Variants in FCER1A observed in about 807,000 individuals in gnomAD.
FCER1A encodes the protein Fc epsilon receptor Ia.
FCER1A carries 24 observed loss-of-function variants against 23.6 expected under a neutral mutation model. The ratio of observed to expected loss-of-function variants is 1.02; its 90% CI spans 0.74 to 1.43. The LOEUF (loss-of-function observed/expected upper bound fraction) is 1.43. Among genes scored for constraint, FCER1A ranks in the 40% most tolerant of loss-of-function variants. The probability of loss-of-function intolerance (pLI) is 0.00; values close to 1 mark genes in which losing one functional copy is unlikely to be tolerated. For synonymous variants in FCER1A, 121 were observed against 108.8 expected (o/e 1.11, Z -0.70); for missense variants, 318 against 294.5 (o/e 1.08, Z -0.58).
At position 159,304,181 on chromosome 1, in the gene FCER1A, T is replaced by C. The variant is rs199842835; in HGVS notation, c.330T>C (p.Ser110=). ...ESEPVYLEVF[S]DWLLLQASAE... ...AACCTGTGTACCTGGAAGTCTTCAG[T>C]GGTAAGTTCCAGGGATATGGAAATA... The change falls in exon 3 of 5, where the codon AGT becomes AGC. Residue 110 remains serine (S), a splice_region_variant and synonymous_variant. Transcript: ENST00000693622. 1.5e-5 allele frequency: 24 copies of C among 1,613,396 alleles called. 1 individual carries two copies. In the South Asian group the frequency reaches 2.5e-4, roughly 17 times the overall value.
chr1:159,293,967 A>G (rs1057329827), intron 1 of FCER1A, among the ~76,000 whole-genome samples: 1 of 151,998 alleles, frequency 6.6e-6, no homozygotes, highest in African/African-American at 2.4e-5. Context: ...CACATGAAAA[A>G]ATGCTCACCA....
rs761771280 is a variant in FCER1A at position 159,302,357 on chromosome 1, T to C, written c.-8T>C. ...CAGCACAGTAAGCACCAGGAGTCCA[T>C]GAAGAAGATGGCTCCTGCCATGGAA... On this transcript the variant is annotated 5_prime_UTR_variant, in exon 1 of 5. It removes an upstream start codon present in the reference 5' UTR. Transcript: ENST00000693622. 1 of 1,602,334 alleles carries C rather than the reference T, an allele frequency of 6.2e-7. No individual in the cohort carries two copies. Among genetic ancestry groups the C allele is most frequent in the Non-Finnish European group, 8.6e-7 (1 of 1,169,206 alleles).
rs1462488820 is a variant in FCER1A, at chr1:159,306,154, C to T, written c.498C>T (p.Ala166=). The T allele has an allele frequency of 3.1e-6, 5 of 1,614,132 alleles. No individual in the cohort carries two copies. The East Asian group carries it at 6.7e-5, about 22-fold the overall frequency. ...ACCACAACATCTCCATTACAAATGC[C>T]ACAGTTGAAGACAGTGGAACCTACT... ...YENHNISITN[A]TVEDSGTYYC... is the part of the protein sequence containing the mutation. Residue 166 remains alanine, a synonymous_variant, in exon 4 of 5, where the codon GCC becomes GCT. Transcript: ENST00000693622.
chr1:159,305,998 C>T lies in FCER1A; in HGVS notation c.342C>T (p.Leu114=), dbSNP rs763176352. Residue 114 remains leucine, a synonymous_variant, in exon 4 of 5, where the codon CTC becomes CTT. Coordinates refer to ENST00000693622, the MANE Select transcript of FCER1A (RefSeq NM_001387280.1). ...VYLEVFSDWL[L]LQASAEVVME... ...ATGAATGTTCTTCAGACTGGCTGCT[C>T]CTTCAGGCCTCTGCTGAGGTGGTGA... 1.5e-5 allele frequency: 24 copies of T among 1,613,492 alleles called. No individual in the cohort carries two copies. In the Admixed American group the frequency reaches 2.8e-4, roughly 19 times the overall value.
At chr1:159,286,163 C>T (rs2102210140), upstream of FCER1A, among the ~76,000 whole-genome samples, 1 of 151,850 alleles carries the variant, frequency 6.6e-6, no homozygotes, top group East Asian at 1.9e-4. Context: ...GCACTCCAGC[C>T]TGAGTGACAG....
upstream of FCER1A, among the ~76,000 whole-genome samples, chr1:159,287,671 G>GTT (rs1056248626): frequency 2.0e-5 from 3 of 147,172 alleles, no homozygotes; most frequent in Non-Finnish European, 4.5e-5. Flanking sequence ...TATACACATT[G>GTT]TTATATATAT....
At chr1:159,300,005 G>C (rs12748387), upstream of FCER1A, among the ~76,000 whole-genome samples, 1,996 of 152,126 alleles carry the variant, frequency 0.013, 20 homozygotes, top group Non-Finnish European at 0.022. Flanking sequence ...AAGATGGGTA[G>C]TTTGGTTGCT....
upstream of FCER1A, among the ~76,000 whole-genome samples, chr1:159,301,145 G>C (rs1652421292): frequency 6.6e-6 from 1 of 152,160 alleles, no homozygotes; most frequent in Non-Finnish European, 1.5e-5. Flanking sequence ...GGAAGAGCAA[G>C]GTATGATAGA....
At chr1:159,297,669 C>T (rs1283300908), upstream of FCER1A, among the ~76,000 whole-genome samples, 2 of 152,094 alleles carry the variant, frequency 1.3e-5, no homozygotes. Context: ...TAATCTTGCA[C>T]TTAATTTCTT....
chr1:159,292,401 C>T (rs1287680949), intron 1 of FCER1A, among the ~76,000 whole-genome samples: 1 of 152,116 alleles, frequency 6.6e-6, no homozygotes, highest in East Asian at 1.9e-4. Flanking sequence ...TAATTACTGT[C>T]TACCCAGTTA....
Position 159,304,217 on chromosome 1 carries a change from A to AT in FCER1A, c.331+36dup, listed in dbSNP as rs1652530226. On this transcript the variant is annotated intron_variant, in intron 3 of 4. Coordinates refer to ENST00000693622, the MANE Select transcript of FCER1A (RefSeq NM_001387280.1). ...AGGGATATGGAAATACAGATCTCTC[A>AT]TGTGAGGGATGGCTCATCTGAAGAT... The AT allele has an allele frequency of 6.9e-6, 11 of 1,595,346 alleles. No individual in the cohort carries two copies. The East Asian group carries it at 2.5e-4, about 36-fold the overall frequency.
At chr1:159,299,220 C>T (rs546857871), upstream of FCER1A, among the ~76,000 whole-genome samples, 4 of 152,274 alleles carry the variant, frequency 2.6e-5, no homozygotes, top group East Asian at 7.7e-4. Flanking sequence ...ATAAATATCA[C>T]GAGCAGACAG....
At chr1:159,298,077 G>A (rs1652340324), upstream of FCER1A, among the ~76,000 whole-genome samples, 1 of 152,096 alleles carries the variant, frequency 6.6e-6, no homozygotes, top group South Asian at 2.1e-4. Context: ...TAAGGTAGAG[G>A]TCATGATCAA....
the FCER1A span, among the ~76,000 whole-genome samples, chr1:159,284,622 G>C: frequency 6.6e-6 from 1 of 152,158 alleles, no homozygotes; most frequent in Admixed American, 6.5e-5. Context: ...TAAATGACTT[G>C]TGATTTCCAA....
At chr1:159,305,934 A>G (rs1255957014) in intron 3 of FCER1A, 54 bp from the exon 4 acceptor site, 15 of 1,507,870 alleles carry the variant, frequency 9.9e-6, no homozygotes, top group Admixed American at 1.7e-5. Context: ...TTCTCTATTC[A>G]TTCTCTCTCT....
intron 1 of FCER1A, among the ~76,000 whole-genome samples, chr1:159,296,398 A>G (rs1215501611): frequency 1.3e-5 from 2 of 152,334 alleles, no homozygotes; most frequent in East Asian, 3.9e-4. Flanking sequence ...ACAAAAACAG[A>G]CTGATATGAG....
intron 4 of FCER1A, 103 bp downstream of exon 4, chr1:159,306,348 C>A: frequency 1.8e-6 from 2 of 1,099,556 alleles, no homozygotes; most frequent in South Asian, 3.1e-5. Flanking sequence ...ACCTGTGATA[C>A]ACTGGAAAGC....
Position 159,304,076 on chromosome 1 carries a change from T to C in FCER1A, c.225T>C (p.Asn75=), listed in dbSNP as rs145069124. 8.1e-6 allele frequency: 13 copies of C among 1,613,988 alleles called. No homozygotes were observed. Residue 75 remains asparagine, a synonymous_variant, in exon 3 of 5, where the codon AAT becomes AAC. Coordinates refer to ENST00000693622, the MANE Select transcript of FCER1A (RefSeq NM_001387280.1). ...ATGGCAGCCTTTCAGAAGAGACAAA[T>C]TCAAGTTTGAATATTGTGAATGCCA... ...FHNGSLSEET[N]SSLNIVNAKF... is the part of the protein sequence containing the mutation.
At chr1:159,298,728 G>T (rs1652356973), upstream of FCER1A, among the ~76,000 whole-genome samples, 1 of 152,172 alleles carries the variant, frequency 6.6e-6, no homozygotes, top group South Asian at 2.1e-4. Flanking sequence ...GCATGTCCAT[G>T]AAATATACAT....
Sources: gnomAD v4.1 joint callset for allele counts (sites outside exome capture counted in the v4.1 genomes callset) on GRCh38, gnomAD v4.1.1 for gene constraint, MANE v1.5 for transcripts, NCBI Gene and HGNC (gene_info 2026-07-23, HGNC 2026-07-21) for gene names.